The following ROBO2 variants were observed in gnomAD, a reference collection of about 807,000 sequenced individuals.
ROBO2 encodes the protein roundabout homolog 2.
In ROBO2, 53 loss-of-function variants were observed where a neutral mutation model predicts 160.8. The observed-to-expected ratio is 0.33, with a 90% CI of 0.26 to 0.41. The LOEUF is 0.41. ROBO2 is among the 10% of genes least tolerant of loss of function. The probability of loss-of-function intolerance (pLI) is 1.00; values close to 1 mark genes in which losing one functional copy is unlikely to be tolerated. For synonymous variants in ROBO2, 664 were observed against 611.7 expected, an observed-to-expected ratio of 1.09 and a Z score of -1.26; for missense variants, 1,577 against 1,722.4, an observed-to-expected ratio of 0.92 and a Z score of 1.49.
In ROBO2 at chr3:77,576,684, C is replaced by A. The variant is rs538109748; in HGVS notation, c.2204-806C>A. ...TTAGTTATAGGAGAAACTATAAAGG[C>A]AGAGAATTATTGTAGGAAATCAAAA... On this transcript the variant is annotated intron_variant, in intron 14 of 25. Transcript: ENST00000461745. Among the ~76,000 whole-genome samples the A allele has an allele frequency of 8.0e-4, 121 of 152,162 alleles. 1 individual carries two copies. In the South Asian group the frequency reaches 0.016, roughly 20 times the overall value.
At chr3:77,036,417 C>A (rs2063641010), upstream of ROBO2, among the ~76,000 whole-genome samples, 1 of 151,848 alleles carries the variant, frequency 6.6e-6, no homozygotes, top group Non-Finnish European at 1.5e-5. Context: ...TAGGGTTTTG[C>A]AGTTTTTACC....
intron 2 of ROBO2, among the ~76,000 whole-genome samples, chr3:76,309,613 T>A (rs2071482093): frequency 6.6e-6 from 1 of 152,220 alleles, no homozygotes; most frequent in Non-Finnish European, 1.5e-5. Flanking sequence ...CTTTTGAAAG[T>A]GATAACATCA....
rs140849275 is a variant in ROBO2 at position 77,494,428 on chromosome 3, G to A, written c.806+1046G>A. 7.4e-3 allele frequency among the ~76,000 whole-genome samples: 1,119 copies of A among 152,006 alleles called. 15 individuals carry two copies. Among genetic ancestry groups the A allele is most frequent in the African/African-American group, 0.024 (979 of 41,490 alleles). ...CCTGTCTCTACTAAAAATACAAAAA[G>A]TTAGCTGAGTGTGGTGGCACATACC... On this transcript the variant is annotated intron_variant, in intron 5 of 25. Transcript: ENST00000461745.
intron 2 of ROBO2, among the ~76,000 whole-genome samples, chr3:77,222,377 A>ATGTTACC (rs1363524578): frequency 1.3e-5 from 2 of 152,188 alleles, no homozygotes; most frequent in African/African-American, 4.8e-5. Context: ...AGTGGGTTAC[A>ATGTTACC]TGTTACCGAT....
At chr3:76,316,347 C>T (rs922528730) in intron 2 of ROBO2, among the ~76,000 whole-genome samples, 1 of 152,076 alleles carries the variant, frequency 6.6e-6, no homozygotes, top group Admixed American at 6.6e-5. Flanking sequence ...CAATTCTTTT[C>T]CTAGGGTCTT....
intron 2 of ROBO2, among the ~76,000 whole-genome samples, chr3:75,995,192 C>T (rs1370030204): frequency 1.3e-5 from 2 of 152,122 alleles, no homozygotes; most frequent in African/African-American, 4.8e-5. Context: ...GGGAAAATGT[C>T]TCCAGGGTGT....
chr3:76,837,651 T>C (rs2067827438), intron 2 of ROBO2, among the ~76,000 whole-genome samples: 1 of 151,892 alleles, frequency 6.6e-6, no homozygotes, highest in Non-Finnish European at 1.5e-5. Flanking sequence ...ATATTATTAA[T>C]ATCGTTGTTG....
intron 5 of ROBO2, among the ~76,000 whole-genome samples, chr3:77,510,379 G>A (rs1406462094): frequency 1.3e-5 from 2 of 152,022 alleles, no homozygotes; most frequent in Non-Finnish European, 2.9e-5. Context: ...GGAGGAAGAG[G>A]TTCAGTCTGT....
At chr3:76,120,268 C>T (rs1421068747) in intron 2 of ROBO2, among the ~76,000 whole-genome samples, 1 of 152,056 alleles carries the variant, frequency 6.6e-6, no homozygotes, top group Non-Finnish European at 1.5e-5. Context: ...TTCCAAAGTG[C>T]TGGGATTACA....
chr3:75,949,771 G>T (rs373634706), intron 2 of ROBO2, among the ~76,000 whole-genome samples: 1 of 6,716 alleles, frequency 1.5e-4, no homozygotes, highest in African/African-American at 2.1e-4. Flanking sequence ...AATAAATTCA[G>T]ATTGCTCTAC....
chr3:77,466,946 T>C (rs1217371958), intron 2 of ROBO2, among the ~76,000 whole-genome samples: 1 of 152,146 alleles, frequency 6.6e-6, no homozygotes, highest in African/African-American at 2.4e-5. Context: ...ATCGGAGCAA[T>C]AACACGTTGA....
intron 2 of ROBO2, among the ~76,000 whole-genome samples, chr3:77,367,206 A>AAT (rs2071030948): frequency 6.6e-6 from 1 of 152,046 alleles, no homozygotes; most frequent in Non-Finnish European, 1.5e-5. Flanking sequence ...TTTTTATGTG[A>AAT]ATATATATAT....
chr3:77,291,648 A>G (rs1309532294), intron 2 of ROBO2, among the ~76,000 whole-genome samples: 1 of 151,770 alleles, frequency 6.6e-6, no homozygotes, highest in Non-Finnish European at 1.5e-5. Context: ...AGGCTAGATC[A>G]CCCCAGACAT....
intron 2 of ROBO2, among the ~76,000 whole-genome samples, chr3:77,150,093 T>G (rs950432216): frequency 6.6e-6 from 1 of 152,162 alleles, no homozygotes; most frequent in Non-Finnish European, 1.5e-5. Context: ...AAAAATTAGA[T>G]GTGGAGGAAA....
At chr3:77,644,204 T>A (rs895792932) in intron 24 of ROBO2, among the ~76,000 whole-genome samples, 2 of 152,170 alleles carry the variant, frequency 1.3e-5, no homozygotes, top group Non-Finnish European at 2.9e-5. Context: ...CTTTAAATAA[T>A]GTATTTCTGT....
intron 2 of ROBO2, among the ~76,000 whole-genome samples, chr3:77,005,092 G>A (rs137884808): frequency 6.6e-6 from 1 of 152,154 alleles, no homozygotes; most frequent in Non-Finnish European, 1.5e-5. Flanking sequence ...GGTTGGACAC[G>A]CTTGGCAGGC....
chr3:76,737,070 T>A (rs2093724931), intron 2 of ROBO2, among the ~76,000 whole-genome samples: 1 of 152,218 alleles, frequency 6.6e-6, no homozygotes, highest in Admixed American at 6.5e-5. Flanking sequence ...AGTATAGGTT[T>A]AAAAATATGT....
At chr3:76,004,276 A>G (rs2065962719) in intron 2 of ROBO2, among the ~76,000 whole-genome samples, 1 of 152,196 alleles carries the variant, frequency 6.6e-6, no homozygotes, top group African/African-American at 2.4e-5. Context: ...ATAAAAAACA[A>G]TCAAGGCTAC....
At chr3:76,616,891 G>A (rs2088629052) in intron 2 of ROBO2, among the ~76,000 whole-genome samples, 1 of 152,052 alleles carries the variant, frequency 6.6e-6, no homozygotes, top group Admixed American at 6.6e-5. Context: ...CTCTCAAGTA[G>A]CTGTGACTAC....
Sources: allele counts gnomAD v4.1 joint callset (sites outside exome capture counted in the v4.1 genomes callset), GRCh38; gene constraint gnomAD v4.1.1; transcripts MANE v1.5; gene names NCBI Gene and HGNC (gene_info 2026-07-23, HGNC 2026-07-21).